EDIL3: variants seen among roughly 807,000 people sequenced by gnomAD.
EDIL3 encodes the protein EGF-like repeat and discoidin I-like domain-containing protein 3.
Under a neutral mutation model 67.4 loss-of-function variants are expected in EDIL3, and 37 were observed. The ratio of observed to expected loss-of-function variants is 0.55; its 90% CI spans 0.42 to 0.72. The LOEUF (loss-of-function observed/expected upper bound fraction) is 0.72, where lower values mean the gene tolerates loss of function less well. Among genes scored for constraint, EDIL3 ranks in the 30% least tolerant of loss-of-function variants. EDIL3 has a pLI of 0.00. For synonymous variants in EDIL3, 195 were observed against 196.3 expected (o/e 0.99, Z 0.05); for missense variants, 527 against 586.3 (o/e 0.90, Z 1.04).
intron 6 of EDIL3, among the ~76,000 whole-genome samples, chr5:84,068,604 G>A (rs1444739704): frequency 6.6e-6 from 1 of 152,116 alleles, no homozygotes; most frequent in African/African-American, 2.4e-5. Flanking sequence ...TGGAACTGCA[G>A]TTAGTTAAGC....
At chr5:84,295,727 C>T (rs918369968) in intron 1 of EDIL3, among the ~76,000 whole-genome samples, 4 of 152,132 alleles carry the variant, frequency 2.6e-5, no homozygotes, top group African/African-American at 9.6e-5. Flanking sequence ...ATATTAATTG[C>T]AATTGTTTAT....
rs149697660 is a variant in EDIL3, at chr5:84,348,915, T to C, written c.67+35393A>G. 3.3e-5 allele frequency among the ~76,000 whole-genome samples: 5 copies of C among 152,330 alleles called. 1 individual carries two copies. The highest frequency in any genetic ancestry group is 7.3e-5 in the Non-Finnish European group (5 of 68,032). On this transcript the variant is annotated intron_variant, in intron 1 of 10. Coordinates refer to ENST00000296591, the MANE Select transcript of EDIL3 (RefSeq NM_005711.5). ...TAAATAAAAATCATATTTAATTACC[T>C]CTTGGATTATGGAAATAAAGAAGTT...
rs574604469 is a variant in EDIL3, at chr5:84,384,192, A to G, written c.67+116T>C. 63 of 1,319,432 alleles carry G rather than the reference A, an allele frequency of 4.8e-5. No individual in the cohort carries two copies. In the East Asian group the frequency reaches 1.4e-3, roughly 30 times the overall value. The allele number at this position is 1,319,432 out of a possible 1,614,324, so 81.7% of individuals were successfully genotyped here. On this transcript the variant is annotated intron_variant, in intron 1 of 10. Transcript: ENST00000296591. ...GACTCGACGCCTCCTCCGCGCCGCC[A>G]GCGGCGCTCGCCACCCTTGGCACGC...
In EDIL3 at chr5:84,104,221, C is replaced by T. The variant is rs1024492739; in HGVS notation, c.651+2428G>A. ...TAGAATGAAATAACAGATAGTGGGA[C>T]TTACCTGAGGGTGAAGGATGGGAGG... is the stretch of plus-strand genomic sequence containing the variant. On this transcript the variant is annotated intron_variant, in intron 6 of 10. Transcript: ENST00000296591. Among the ~76,000 whole-genome samples the T allele has an allele frequency of 6.6e-5, 10 of 151,892 alleles. No individual in the cohort carries two copies. The East Asian group carries it at 7.8e-4, about 12-fold the overall frequency.
At chr5:84,211,621 C>T (rs192110931) in intron 3 of EDIL3, among the ~76,000 whole-genome samples, 16 of 152,108 alleles carry the variant, frequency 1.1e-4, no homozygotes, top group Non-Finnish European at 1.9e-4. Context: ...AAGACGGAGG[C>T]AGAAATTGCA....
intron 1 of EDIL3, among the ~76,000 whole-genome samples, chr5:84,347,916 G>A (rs1404067532): frequency 6.6e-6 from 1 of 152,142 alleles, no homozygotes; most frequent in Non-Finnish European, 1.5e-5. Flanking sequence ...AAATGAATGA[G>A]ATAAACACCC....
intron 9 of EDIL3, among the ~76,000 whole-genome samples, chr5:84,059,874 G>C (rs113545718): frequency 1.3e-5 from 2 of 152,300 alleles, no homozygotes; most frequent in African/African-American, 4.8e-5. Flanking sequence ...AGCAACCACA[G>C]GTAAGGAGCT....
intron 1 of EDIL3, among the ~76,000 whole-genome samples, chr5:84,346,603 G>C (rs953025677): frequency 2.6e-5 from 4 of 151,814 alleles, no homozygotes; most frequent in Non-Finnish European, 5.9e-5. Context: ...CTTTTTTTCT[G>C]TTAATAGATG....
intron 3 of EDIL3, among the ~76,000 whole-genome samples, chr5:84,205,386 GA>G (rs1162912389): frequency 6.6e-6 from 1 of 152,114 alleles, no homozygotes; most frequent in Non-Finnish European, 1.5e-5. Context: ...TGATAAGCCA[GA>G]AAAACAATGA....
intron 1 of EDIL3, among the ~76,000 whole-genome samples, chr5:84,299,055 T>C (rs2112127898): frequency 6.6e-6 from 1 of 152,294 alleles, no homozygotes; most frequent in South Asian, 2.1e-4. Context: ...GACCTGGTGC[T>C]GAGAAATGAA....
Position 84,180,439 on chromosome 5 carries a change from A to G in EDIL3, c.309T>C (p.Tyr103=). 2 of 1,609,302 alleles carry G rather than the reference A, an allele frequency of 1.2e-6. No individual in the cohort carries two copies. The highest frequency in any genetic ancestry group is 1.3e-5 in the African/African-American group (1 of 74,880). Residue 103 remains tyrosine, a synonymous_variant, in exon 4 of 11, where the codon TAT becomes TAC. Coordinates refer to ENST00000296591, the MANE Select transcript of EDIL3 (RefSeq NM_005711.5). ...TAAATCCTCGGGGACATTTACAAAC[A>G]TAGCCTATGAATGTATCCCCTCGGT... The part of the protein sequence containing the change: ...EAYRGDTFIG[Y]VCKCPRGFNG...
At chr5:84,080,475 ACT>A (rs1246186219) in intron 6 of EDIL3, among the ~76,000 whole-genome samples, 2 of 151,642 alleles carry the variant, frequency 1.3e-5, no homozygotes, top group Non-Finnish European at 2.9e-5. Flanking sequence ...TGCTAAGCCA[ACT>A]CTCTTCTGTT....
intron 9 of EDIL3, among the ~76,000 whole-genome samples, chr5:83,976,989 C>T (rs900120958): frequency 6.6e-6 from 1 of 151,636 alleles, no homozygotes; most frequent in Non-Finnish European, 1.5e-5. Flanking sequence ...ATCTCTTCTC[C>T]TGTCATTAGT....
chr5:84,311,483 G>C (rs970460060), intron 1 of EDIL3, among the ~76,000 whole-genome samples: 1 of 151,952 alleles, frequency 6.6e-6, no homozygotes, highest in African/African-American at 2.4e-5. Context: ...GGATGGAGAA[G>C]GGCATGCAAA....
At chr5:83,985,239 T>C (rs1042627002) in intron 9 of EDIL3, among the ~76,000 whole-genome samples, 5 of 152,004 alleles carry the variant, frequency 3.3e-5, no homozygotes, top group Admixed American at 2.0e-4. Flanking sequence ...AAACTGCTCA[T>C]GATCAATATG....
At chr5:84,051,462 C>T (rs6452560) in intron 9 of EDIL3, among the ~76,000 whole-genome samples, 57,619 of 151,900 alleles carry the variant, frequency 0.38, 12,477 homozygotes, top group African/African-American at 0.61. Flanking sequence ...GGACAGAGAA[C>T]GACTTTGACG....
At chr5:84,148,029 C>T (rs1401006604) in intron 4 of EDIL3, among the ~76,000 whole-genome samples, 1 of 151,938 alleles carries the variant, frequency 6.6e-6, no homozygotes, top group Non-Finnish European at 1.5e-5. Flanking sequence ...TCTAAATTAT[C>T]TTATACTTCT....
intron 3 of EDIL3, among the ~76,000 whole-genome samples, chr5:84,215,176 T>C (rs1463089938): frequency 2.6e-5 from 4 of 152,106 alleles, no homozygotes; most frequent in South Asian, 2.1e-4. Flanking sequence ...GAGAACAAAA[T>C]AGACAAAAAA....
intron 1 of EDIL3, among the ~76,000 whole-genome samples, chr5:84,366,285 C>T (rs1048196121): frequency 1.3e-5 from 2 of 152,154 alleles, no homozygotes; most frequent in Non-Finnish European, 2.9e-5. Context: ...TCATCATGAT[C>T]ATCATCATAT....
Sources: gnomAD v4.1 joint callset for allele counts (sites outside exome capture counted in the v4.1 genomes callset) on GRCh38, gnomAD v4.1.1 for gene constraint, MANE v1.5 for transcripts, NCBI Gene and HGNC (gene_info 2026-07-23, HGNC 2026-07-21) for gene names.